The following ZNRF3 variants were observed in gnomAD, a reference collection of about 807,000 sequenced individuals.
The protein encoded by ZNRF3 is zinc and ring finger 3, also known as E3 ubiquitin-protein ligase ZNRF3.
Under a neutral mutation model 72.5 loss-of-function variants are expected in ZNRF3, and 23 were observed. That is an observed-to-expected ratio of 0.32 (90% CI 0.23 to 0.45). The LOEUF is 0.45. ZNRF3 is among the 20% of genes least tolerant of loss of function. The pLI is 1.00. For synonymous variants in ZNRF3, 610 were observed against 545.3 expected (o/e 1.12, Z -1.65); for missense variants, 1,169 against 1,272.1 (o/e 0.92, Z 1.23).
rs1601722667 is a variant in ZNRF3 at position 29,053,697 on chromosome 22, A to C, written c.*75A>C. 3 of 1,480,108 alleles carry C rather than the reference A, an allele frequency of 2.0e-6. No individual in the cohort carries two copies. The East Asian group carries it at 7.0e-5, about 34-fold the overall frequency. The allele number at this position is 1,480,108 out of a possible 1,614,324, so 91.7% of individuals were successfully genotyped here. ...AACTGACTTCTTTCAAAAAACAAAA[A>C]CAAAAAATTTTTTTAGCTTTGACAA... is the stretch of plus-strand genomic sequence containing the variant. On this transcript the variant is annotated 3_prime_UTR_variant, in exon 9 of 9. Coordinates refer to ENST00000544604, the MANE Select transcript of ZNRF3 (RefSeq NM_001206998.2).
At chr22:28,944,007 C>A (rs1430747830) in intron 1 of ZNRF3, among the ~76,000 whole-genome samples, 1 of 150,386 alleles carries the variant, frequency 6.6e-6, no homozygotes, top group African/African-American at 2.5e-5. Context: ...CCAAAAGAAC[C>A]CCGGATTAAG....
intron 1 of ZNRF3, among the ~76,000 whole-genome samples, chr22:28,925,956 C>G (rs1001557316): frequency 6.6e-6 from 1 of 152,206 alleles, no homozygotes; most frequent in Non-Finnish European, 1.5e-5. Context: ...CCCCGCTAAC[C>G]AACCCCTACC....
chr22:29,051,259 T>TG (rs1449562936), intron 8 of ZNRF3, among the ~76,000 whole-genome samples: 1 of 152,084 alleles, frequency 6.6e-6, no homozygotes, highest in African/African-American at 2.4e-5. Flanking sequence ...TAGCACCAGC[T>TG]GGGGGTAGTG....
At chr22:28,912,459 A>AG (rs2034335155) in intron 1 of ZNRF3, among the ~76,000 whole-genome samples, 1 of 152,092 alleles carries the variant, frequency 6.6e-6, no homozygotes, top group Non-Finnish European at 1.5e-5. Flanking sequence ...CCGGGGATCA[A>AG]GGAGCCCGCC....
chr22:28,953,418 T>G (rs893977476), intron 1 of ZNRF3, among the ~76,000 whole-genome samples: 3 of 152,228 alleles, frequency 2.0e-5, no homozygotes, highest in Non-Finnish European at 4.4e-5. Context: ...GAATTATTAG[T>G]TGTCTCTTAA....
chr22:28,988,507 GC>G (rs1448646906), intron 2 of ZNRF3, among the ~76,000 whole-genome samples: 1 of 152,124 alleles, frequency 6.6e-6, no homozygotes, highest in African/African-American at 2.4e-5. Context: ...AAGTTCTCCT[GC>G]CCTTTAGTTG....
Position 29,053,778 on chromosome 22 carries a change from C to G in ZNRF3, c.*156C>G. 1 of 669,116 alleles carries G rather than the reference C, an allele frequency of 1.5e-6. No homozygotes were observed. The highest frequency in any genetic ancestry group is 2.4e-6 in the Non-Finnish European group (1 of 408,408). 41.4% of individuals were successfully genotyped at this position (669,116 alleles called of 1,614,324 possible). A position where few individuals can be genotyped will look rare whatever the true frequency, so the allele number is the denominator to read the frequency against. On this transcript the variant is annotated 3_prime_UTR_variant, in exon 9 of 9. Transcript: ENST00000544604. ...CCTTGTCAACCCAAAATGTGAGCCC[C>G]CTGTGGCAAAACCACCCCCTACCCC...
chr22:29,048,463 C>T lies in ZNRF3; in HGVS notation c.987C>T (p.Thr329=). 1.2e-6 allele frequency: 2 copies of T among 1,614,196 alleles called. No homozygotes were observed. Among genetic ancestry groups the T allele is most frequent in the South Asian group, 1.1e-5 (1 of 91,084 alleles). ...CVDPWLLQHH[T]CPHCRHNIIE... ...ACCCCTGGCTGCTGCAGCACCACAC[C>T]TGCCCCCACTGTCGGCACAACATCA... Residue 329 remains threonine, a synonymous_variant, in exon 7 of 9, where the codon ACC becomes ACT. Transcript: ENST00000544604. This position sits in a 1 kb window ranked among gnomAD's most constrained non-coding sequence, Gnocchi z 4.9.
intron 2 of ZNRF3, among the ~76,000 whole-genome samples, chr22:29,020,782 T>G (rs941961925): frequency 1.4e-5 from 2 of 144,690 alleles, no homozygotes; most frequent in African/African-American, 2.5e-5. Context: ...TGTGGGTGTG[T>G]GTGTGTGTGT....
intron 1 of ZNRF3, among the ~76,000 whole-genome samples, chr22:28,916,997 G>A (rs1161515985): frequency 6.6e-6 from 1 of 152,088 alleles, no homozygotes; most frequent in Non-Finnish European, 1.5e-5. Flanking sequence ...CTCTATTCTG[G>A]AGGCCCGACA....
intron 2 of ZNRF3, among the ~76,000 whole-genome samples, chr22:28,988,966 C>T (rs2035905862): frequency 6.6e-6 from 1 of 152,130 alleles, no homozygotes; most frequent in Admixed American, 6.5e-5. Context: ...TCCTCCTCTG[C>T]CTGGAACAAC....
chr22:29,025,664 G>A (rs1350246573), intron 2 of ZNRF3: 1 of 151,822 alleles, frequency 6.6e-6, no homozygotes, highest in Non-Finnish European at 1.5e-5. Context: ...GGGATTACAG[G>A]TGCAGGCCAA....
chr22:28,942,232 G>A (rs1230191711), intron 1 of ZNRF3, among the ~76,000 whole-genome samples: 2 of 152,228 alleles, frequency 1.3e-5, no homozygotes, highest in Non-Finnish European at 2.9e-5. Context: ...GCTATGTGAT[G>A]TGACGCGATG....
In ZNRF3 at chr22:29,050,048, T is replaced by C; in HGVS notation, c.1867T>C (p.Cys623Arg). Residue 623 changes from cysteine to arginine, a missense_variant, in exon 8 of 9, where the codon TGC becomes CGC. This residue lies in a region of ZNRF3 where 783 missense variants were observed against 731.4 expected (regional missense o/e 1.07). Coordinates refer to ENST00000544604, the MANE Select transcript of ZNRF3 (RefSeq NM_001206998.2). Reference protein sequence around the residue: ...SGSSGRGPALCFEGSPPPEEL... With the variant: ...SGSSGRGPALRFEGSPPPEEL... The stretch of plus-strand genomic sequence containing the variant: ...CAGCTCGGGCCGGGGACCTGCCCTG[T>C]GCTTCGAGGGCTCCCCGCCTCCCGA... 6.2e-7 allele frequency: 1 copy of C among 1,608,776 alleles called. No individual in the cohort carries two copies. Among genetic ancestry groups the C allele is most frequent in the Non-Finnish European group, 8.5e-7 (1 of 1,178,010 alleles).
Position 29,050,897 on chromosome 22 carries a change from A to C in ZNRF3, c.2716A>C (p.Ser906Arg). 1 of 1,573,340 alleles carries C rather than the reference A, an allele frequency of 6.4e-7. No homozygotes were observed. Among genetic ancestry groups the C allele is most frequent in the Non-Finnish European group, 8.6e-7 (1 of 1,167,386 alleles). Residue 906 changes from serine to arginine, a missense_variant, in exon 8 of 9, where the codon AGT becomes CGT. By Grantham distance (110) the Ser-to-Arg change is moderately radical. Transcript: ENST00000544604. ...GGGTGCTGTCAGGGCCAACTTCCCTAGTGCCCTCCAGGACACTCAGGAGTC... is the reference window on the plus strand; with the variant it reads ...GGGTGCTGTCAGGGCCAACTTCCCTCGTGCCCTCCAGGACACTCAGGAGTC... ...EAGAVRANFP[S>R]ALQDTQESST...
intron 2 of ZNRF3, among the ~76,000 whole-genome samples, chr22:29,024,357 A>G (rs1171840197): frequency 1.4e-5 from 2 of 147,204 alleles, no homozygotes; most frequent in Non-Finnish European, 3.0e-5. Flanking sequence ...GCCTTCCTGA[A>G]ACAATAATTG....
chr22:28,965,246 T>A (rs956160701), intron 1 of ZNRF3, among the ~76,000 whole-genome samples: 10 of 152,196 alleles, frequency 6.6e-5, no homozygotes, highest in African/African-American at 2.4e-4. Context: ...GGAGATAATG[T>A]ATGTTATACT....
chr22:28,945,854 G>T (rs1047660302), intron 1 of ZNRF3, among the ~76,000 whole-genome samples: 6 of 152,104 alleles, frequency 3.9e-5, no homozygotes, highest in African/African-American at 1.4e-4. Context: ...AAAAAGAATT[G>T]TGTGGCATAC....
intron 1 of ZNRF3, among the ~76,000 whole-genome samples, chr22:28,960,805 T>A (rs892680511): frequency 2.0e-5 from 3 of 152,106 alleles, no homozygotes; most frequent in Non-Finnish European, 2.9e-5. Context: ...CTTGGAGGGA[T>A]CCCCAGCAAT....
Sources: allele counts gnomAD v4.1 joint callset (sites outside exome capture counted in the v4.1 genomes callset), GRCh38; gene constraint gnomAD v4.1.1; regional missense constraint gnomAD v4.1.1; non-coding constraint Gnocchi (gnomAD v3.1); transcripts MANE v1.5; gene names NCBI Gene and HGNC (gene_info 2026-07-23, HGNC 2026-07-21).